Variants in ADAMTS3 observed in about 807,000 individuals in gnomAD.
ADAMTS3 encodes A disintegrin and metalloproteinase with thrombospondin motifs 3.
A neutral mutation model predicts 129.0 loss-of-function variants in ADAMTS3; 73 were observed. The ratio of observed to expected loss-of-function variants is 0.57; its 90% CI spans 0.47 to 0.69. The LOEUF is 0.69. Among genes scored for constraint, ADAMTS3 ranks in the 30% least tolerant of loss-of-function variants. The probability of loss-of-function intolerance (pLI) is 0.00; values close to 1 mark genes in which losing one functional copy is unlikely to be tolerated. For synonymous variants in ADAMTS3, 477 were observed against 510.8 expected (o/e 0.93, Z 0.89); for missense variants, 1,457 against 1,514.5 (o/e 0.96, Z 0.63).
At chr4:72,314,845 T>C (rs1719348803) in intron 11 of ADAMTS3, among the ~76,000 whole-genome samples, 1 of 152,194 alleles carries the variant, frequency 6.6e-6, no homozygotes, top group Non-Finnish European at 1.5e-5. Flanking sequence ...TTATACACAT[T>C]TGAAATTGAG....
intron 3 of ADAMTS3, among the ~76,000 whole-genome samples, chr4:72,462,591 G>A (rs946417894): frequency 1.3e-5 from 2 of 151,836 alleles, no homozygotes; most frequent in African/African-American, 2.4e-5. Flanking sequence ...ACCCTGTGAC[G>A]TCTTAATGAT....
chr4:72,323,405 A>G (rs1282912811), intron 5 of ADAMTS3, among the ~76,000 whole-genome samples: 2 of 152,232 alleles, frequency 1.3e-5, no homozygotes, highest in Admixed American at 1.3e-4. Flanking sequence ...AACATTAGCC[A>G]AAAGCAACCA....
chr4:72,463,472 T>A (rs1718827932), intron 3 of ADAMTS3, among the ~76,000 whole-genome samples: 1 of 151,886 alleles, frequency 6.6e-6, no homozygotes, highest in Admixed American at 6.6e-5. Context: ...AAAGATTATA[T>A]CTAGACCAAA....
intron 3 of ADAMTS3, among the ~76,000 whole-genome samples, chr4:72,498,505 T>C (rs571068424): frequency 1.3e-5 from 2 of 152,010 alleles, no homozygotes; most frequent in Non-Finnish European, 2.9e-5. Flanking sequence ...TAATAAAGAA[T>C]GAAACTACAG....
chr4:72,304,216 T>A (rs546406254), intron 16 of ADAMTS3, 136 bp from the exon 17 acceptor site: 2 of 819,900 alleles, frequency 2.4e-6, no homozygotes, highest in African/African-American at 3.5e-5. Flanking sequence ...AAAATGGGTG[T>A]TAGTTCTGAT....
At chr4:72,550,902 A>G (rs1422832245) in intron 2 of ADAMTS3, among the ~76,000 whole-genome samples, 1 of 152,154 alleles carries the variant, frequency 6.6e-6, no homozygotes, top group Non-Finnish European at 1.5e-5. Context: ...AGAACTCCCC[A>G]TTCAACTTGG....
intron 3 of ADAMTS3, among the ~76,000 whole-genome samples, chr4:72,419,922 C>T (rs1722401892): frequency 6.6e-6 from 1 of 151,984 alleles, no homozygotes; most frequent in African/African-American, 2.4e-5. Flanking sequence ...TGGACTAGAA[C>T]AAAATACTAT....
intron 3 of ADAMTS3, among the ~76,000 whole-genome samples, chr4:72,447,904 T>C: frequency 6.6e-6 from 1 of 151,750 alleles, no homozygotes; most frequent in East Asian, 2.0e-4. Context: ...ACCAACATTC[T>C]CCCTGCCAGG....
rs79132771 is a variant in ADAMTS3, at chr4:72,531,274, T to C, written c.504+17204A>G. The stretch of plus-strand genomic sequence containing the variant: ...CTAGGATAATAAGAATCTAGGTTTT[T>C]GGCCTGAGAAATGGTGCCCAACTTT... On this transcript the variant is annotated intron_variant, in intron 3 of 21. Transcript: ENST00000286657. Among the ~76,000 whole-genome samples, 1,205 of 152,264 alleles carry C rather than the reference T, an allele frequency of 7.9e-3. 65 individuals are homozygous for C. In the East Asian group the frequency reaches 0.13, roughly 16 times the overall value.
At chr4:72,392,226 A>T (rs1441780675) in intron 4 of ADAMTS3, among the ~76,000 whole-genome samples, 1 of 152,154 alleles carries the variant, frequency 6.6e-6, no homozygotes, top group Non-Finnish European at 1.5e-5. Context: ...CTGATATTTC[A>T]TAGGCTTCAC....
At chr4:72,433,581 C>T (rs1168428754) in intron 3 of ADAMTS3, among the ~76,000 whole-genome samples, 4 of 151,804 alleles carry the variant, frequency 2.6e-5, no homozygotes, top group Non-Finnish European at 5.9e-5. Flanking sequence ...TAAATTTTTT[C>T]CCCACACCTT....
At chr4:72,433,217 GC>G (rs1560513854) in intron 3 of ADAMTS3, among the ~76,000 whole-genome samples, 1 of 151,910 alleles carries the variant, frequency 6.6e-6, no homozygotes, top group Non-Finnish European at 1.5e-5. Flanking sequence ...GCTAAATAAA[GC>G]ATCTCTCCAG....
chr4:72,511,907 C>T (rs560250600), intron 3 of ADAMTS3, among the ~76,000 whole-genome samples: 1 of 152,238 alleles, frequency 6.6e-6, no homozygotes, highest in African/African-American at 2.4e-5. Context: ...GTGGTACATA[C>T]ACACAATGGA....
chr4:72,404,846 AC>A (rs1722011872), intron 4 of ADAMTS3, among the ~76,000 whole-genome samples: 1 of 151,772 alleles, frequency 6.6e-6, no homozygotes, highest in African/African-American at 2.4e-5. Flanking sequence ...ACACACACAC[AC>A]ACACACACAC....
intron 3 of ADAMTS3, among the ~76,000 whole-genome samples, chr4:72,418,750 A>G (rs1052036645): frequency 6.6e-6 from 1 of 152,154 alleles, no homozygotes; most frequent in East Asian, 1.9e-4. Flanking sequence ...GGAAGTCTCA[A>G]CCTCCAAAAA....
chr4:72,346,139 T>C (rs568298239), intron 4 of ADAMTS3, among the ~76,000 whole-genome samples: 3 of 152,256 alleles, frequency 2.0e-5, no homozygotes, highest in South Asian at 2.1e-4. Context: ...AATTCTAGCA[T>C]CAAAGCCATG....
rs1299192003 is a variant in ADAMTS3 at position 72,281,950 on chromosome 4, A to G, written c.*1186T>C. On this transcript the variant is annotated 3_prime_UTR_variant, in exon 22 of 22. Coordinates refer to ENST00000286657, the MANE Select transcript of ADAMTS3 (RefSeq NM_014243.3). ...TACTGACATAAATTATTAGCACATTATTGCAGTCAGATGCATTGTGGTTGT... is the reference window on the plus strand; with the variant it reads ...TACTGACATAAATTATTAGCACATTGTTGCAGTCAGATGCATTGTGGTTGT... 6.6e-6 allele frequency: 1 copy of G among 152,194 alleles called. No individual in the cohort carries two copies. Among genetic ancestry groups the G allele is most frequent in the African/African-American group, 2.4e-5 (1 of 41,454 alleles). 9.4% of individuals were successfully genotyped at this position (152,194 alleles called of 1,614,324 possible). A position where few individuals can be genotyped will look rare whatever the true frequency, so the allele number is the denominator to read the frequency against.
chr4:72,409,541 TTTCATC>T (rs147847631), intron 4 of ADAMTS3, among the ~76,000 whole-genome samples: 3,170 of 150,018 alleles, frequency 0.021, 131 homozygotes, highest in East Asian at 0.19. Flanking sequence ...TTTTGCGTCT[TTTCATC>T]TTCAATTCTT....
chr4:72,473,639 G>A (rs1719144128), intron 3 of ADAMTS3, among the ~76,000 whole-genome samples: 1 of 151,728 alleles, frequency 6.6e-6, no homozygotes, highest in Non-Finnish European at 1.5e-5. Flanking sequence ...TCAAGATTGT[G>A]ATGAGTCATC....
Sources: gnomAD v4.1 joint callset for allele counts (sites outside exome capture counted in the v4.1 genomes callset) on GRCh38, gnomAD v4.1.1 for gene constraint, MANE v1.5 for transcripts, NCBI Gene and HGNC (gene_info 2026-07-23, HGNC 2026-07-21) for gene names.